ASXL2: variants seen among roughly 807,000 people sequenced by gnomAD.
ASXL2 encodes ASXL transcriptional regulator 2, also known as putative Polycomb group protein ASXL2.
A neutral mutation model predicts 122.0 loss-of-function variants in ASXL2; 23 were observed. The observed-to-expected ratio is 0.19, with a 90% CI of 0.14 to 0.27. ASXL2 has a LOEUF of 0.27. Ranked by LOEUF, ASXL2 falls within the 10% of genes least tolerant of loss-of-function variation. The pLI, the probability that ASXL2 is intolerant of heterozygous loss-of-function variation, is 1.00. For missense variants in ASXL2, 1,518 were observed against 1,713.8 expected (o/e 0.89, Z 2.02); for synonymous variants, 650 against 637.0 (o/e 1.02, Z -0.31).
chr2:25,877,755 CG>C (rs1283308752), intron 1 of ASXL2, among the ~76,000 whole-genome samples: 1 of 152,186 alleles, frequency 6.6e-6, no homozygotes, highest in Non-Finnish European at 1.5e-5. Flanking sequence ...CTCTCCTTTC[CG>C]GGGCTGGATG....
In ASXL2 at chr2:25,750,088, C is replaced by A. The variant is rs1215740051; in HGVS notation, c.1468G>T (p.Glu490Ter). ...TCAGCAGAGGTGACTGGCTTCTGCT[C>A]CAAGAGATCCTCATCCTTTGGGCAC... ...IKCPKDEDLL[E>*]QKPVTSAEQE... The change falls in exon 12 of 13, where the codon GAG (glutamate) becomes TAG (stop). Residue 490 changes from glutamate to a stop codon, truncating the protein, a stop_gained. Coordinates refer to ENST00000435504, the MANE Select transcript of ASXL2 (RefSeq NM_018263.6). LOFTEE classifies it high-confidence loss of function. The A allele has an allele frequency of 6.2e-7, 1 of 1,613,806 alleles. No individual in the cohort carries two copies.
intron 5 of ASXL2, among the ~76,000 whole-genome samples, chr2:25,780,048 A>G (rs1257417971): frequency 6.6e-6 from 1 of 152,146 alleles, no homozygotes; most frequent in Admixed American, 6.5e-5. Flanking sequence ...TATTTTTAGT[A>G]GAGATGGGGT....
chr2:25,854,408 C>T (rs2089753690), intron 1 of ASXL2, among the ~76,000 whole-genome samples: 1 of 152,030 alleles, frequency 6.6e-6, no homozygotes, highest in Non-Finnish European at 1.5e-5. Flanking sequence ...GATGTGAAAA[C>T]TGAAGTGCAG....
At chr2:25,789,251 AACC>A (rs2088794081) in intron 5 of ASXL2, among the ~76,000 whole-genome samples, 1 of 151,560 alleles carries the variant, frequency 6.6e-6, no homozygotes, top group Non-Finnish European at 1.5e-5. Context: ...GCCCCAAAAT[AACC>A]ACTCTATATA....
intron 1 of ASXL2, among the ~76,000 whole-genome samples, chr2:25,872,878 G>A (rs1013438762): frequency 5.3e-5 from 8 of 152,092 alleles, no homozygotes; most frequent in African/African-American, 1.9e-4. Context: ...GGTTTCTCAG[G>A]AGAATTTTTT....
chr2:25,759,297 GTCA>G (rs566305903), intron 9 of ASXL2, among the ~76,000 whole-genome samples, 182 bp downstream of exon 9: 15 of 152,116 alleles, frequency 9.9e-5, no homozygotes, highest in African/African-American at 3.6e-4. Flanking sequence ...TCCTAATACA[GTCA>G]AAATAATTCT....
chr2:25,760,450 T>C lies in ASXL2; in HGVS notation c.776-805A>G, dbSNP rs557530170. 2.6e-5 allele frequency among the ~76,000 whole-genome samples: 4 copies of C among 152,290 alleles called. No homozygotes were observed. The East Asian group carries it at 5.8e-4, about 22-fold the overall frequency. On this transcript the variant is annotated intron_variant, in intron 8 of 12. Coordinates refer to ENST00000435504, the MANE Select transcript of ASXL2 (RefSeq NM_018263.6). The stretch of plus-strand genomic sequence containing the variant: ...ATGAAAATGGCAAAATATTGTAATA[T>C]GGTAATGGGACTATGCAGGGGGAAA...
At chr2:25,760,677 G>T (rs1370196994) in intron 8 of ASXL2, among the ~76,000 whole-genome samples, 1 of 152,164 alleles carries the variant, frequency 6.6e-6, no homozygotes, top group Non-Finnish European at 1.5e-5. Flanking sequence ...CAAAAAGAAA[G>T]GATTTCCCTC....
chr2:25,752,971 A>T (rs1418221061), intron 11 of ASXL2, among the ~76,000 whole-genome samples: 5 of 145,324 alleles, frequency 3.4e-5, no homozygotes, highest in Admixed American at 6.9e-5. Context: ...TTAGAAATGT[A>T]TTTTTTTTTT....
intron 1 of ASXL2, among the ~76,000 whole-genome samples, chr2:25,858,037 G>A (rs1269124026): frequency 1.3e-5 from 2 of 152,002 alleles, no homozygotes; most frequent in Non-Finnish European, 2.9e-5. Flanking sequence ...ACAGATCCTA[G>A]AGCAGTGCCT....
At chr2:25,852,754 G>C (rs893398962) in intron 1 of ASXL2, among the ~76,000 whole-genome samples, 1 of 152,178 alleles carries the variant, frequency 6.6e-6, no homozygotes, top group Non-Finnish European at 1.5e-5. Flanking sequence ...TTTCAGAAAA[G>C]ACAAAAGTAT....
intron 4 of ASXL2, among the ~76,000 whole-genome samples, chr2:25,802,299 T>C (rs918135215): frequency 3.3e-5 from 5 of 152,250 alleles, no homozygotes; most frequent in African/African-American, 7.2e-5. Context: ...TTAGGAACTA[T>C]AATGTGAGCT....
chr2:25,822,907 A>T (rs1468804838), intron 3 of ASXL2: 3 of 543,044 alleles, frequency 5.5e-6, no homozygotes, highest in Non-Finnish European at 1.1e-5. Flanking sequence ...GCAGGTGATG[A>T]TTCACAAGAC....
chr2:25,764,802 G>A (rs1043378232), intron 8 of ASXL2, among the ~76,000 whole-genome samples: 1 of 152,198 alleles, frequency 6.6e-6, no homozygotes, highest in African/African-American at 2.4e-5. Flanking sequence ...TGCATTCATT[G>A]TACCTGCACA....
chr2:25,742,600 T>G lies in ASXL2; in HGVS notation c.3737A>C (p.Glu1246Ala). The G allele has an allele frequency of 6.2e-7, 1 of 1,614,022 alleles. No individual in the cohort carries two copies. Among genetic ancestry groups the G allele is most frequent in the South Asian group, 1.1e-5 (1 of 91,084 alleles). The change falls in exon 13 of 13, where the codon GAG (glutamate) becomes GCG (alanine). Residue 1246 changes from glutamate (E) to alanine (A), a missense_variant. Glu to Ala is a moderately radical substitution (Grantham distance 107, BLOSUM62 -1). This residue lies in a region of ASXL2 where 831 missense variants were observed against 833.1 expected (regional missense o/e 1.00). Transcript: ENST00000435504. ...PLNEQTTLSKENYLFTRGQTF... is the reference protein window; with the variant it reads ...PLNEQTTLSKANYLFTRGQTF... ...TTGGCCTCTAGTGAACAGGTAATTCTCCTTACTTAAAGTGGTTTGCTCATT... is the reference window on the plus strand; with the variant it reads ...TTGGCCTCTAGTGAACAGGTAATTCGCCTTACTTAAAGTGGTTTGCTCATT...
rs938580887 is a variant in ASXL2 at position 25,742,910 on chromosome 2, A to G, written c.3427T>C (p.Ser1143Pro). The G allele has an allele frequency of 3.1e-6, 5 of 1,613,836 alleles. No homozygotes were observed. Among genetic ancestry groups the G allele is most frequent in the Non-Finnish European group, 4.2e-6 (5 of 1,179,894 alleles). ...RGSESFRRTHSVNPEDRFCLS... is the reference protein window; with the variant it reads ...RGSESFRRTHPVNPEDRFCLS... ...CAAAAACGATCTTCAGGGTTTACAG[A>G]ATGGGTCCTCCTAAAGCTCTCTGAG... Residue 1143 changes from serine (S) to proline (P), a missense_variant, in exon 13 of 13, where the codon TCT (serine) becomes CCT (proline). Coordinates refer to ENST00000435504, the MANE Select transcript of ASXL2 (RefSeq NM_018263.6).
At chr2:25,746,705 A>C (rs2087948381) in intron 12 of ASXL2, among the ~76,000 whole-genome samples, 1 of 152,202 alleles carries the variant, frequency 6.6e-6, no homozygotes, top group African/African-American at 2.4e-5. Context: ...TAAGTGGTTA[A>C]AATGAAAGGT....
intron 2 of ASXL2, among the ~76,000 whole-genome samples, chr2:25,837,970 AAAC>A (rs1411474502): frequency 6.6e-6 from 1 of 151,652 alleles, no homozygotes; most frequent in African/African-American, 2.4e-5. Context: ...AAAAAAAAAA[AAAC>A]ACAAAAAATT....
In ASXL2 at chr2:25,756,005, G is replaced by A. The variant is rs2088126423; in HGVS notation, c.1036+13C>T. 5.0e-6 allele frequency: 8 copies of A among 1,605,440 alleles called. No individual in the cohort carries two copies. The highest frequency in any genetic ancestry group is 6.8e-6 in the Non-Finnish European group (8 of 1,172,194). On this transcript the variant is annotated intron_variant, in intron 10 of 12. Coordinates refer to ENST00000435504, the MANE Select transcript of ASXL2 (RefSeq NM_018263.6). ...ACACACCACCTGGGAGACACATTAA[G>A]TAGAGCACTTACCTTCTGAGAGTCT...
Sources: allele counts gnomAD v4.1 joint callset (sites outside exome capture counted in the v4.1 genomes callset), GRCh38; gene constraint gnomAD v4.1.1; regional missense constraint gnomAD v4.1.1; transcripts MANE v1.5; gene names NCBI Gene and HGNC (gene_info 2026-07-23, HGNC 2026-07-21).